The following NBPF9 variants were observed in gnomAD, a reference collection of about 807,000 sequenced individuals.
NBPF9 encodes the protein NBPF family member NBPF9.
In NBPF9, 91 loss-of-function variants were observed where a neutral mutation model predicts 97.8. The observed-to-expected ratio is 0.93, with a 90% CI of 0.79 to 1.11. The LOEUF (loss-of-function observed/expected upper bound fraction) is 1.11, where lower values mean the gene tolerates loss of function less well. NBPF9 is among the 50% of genes least tolerant of loss of function. The pLI is 0.00. For synonymous variants in NBPF9, 334 were observed against 359.5 expected (o/e 0.93, Z 0.80); for missense variants, 992 against 939.5 (o/e 1.06, Z -0.73).
exon 14 of NBPF9, chr1:149,072,776 T>G (rs1384096363): frequency 6.3e-7 from 1 of 1,585,096 alleles, no homozygotes; most frequent in Non-Finnish European, 8.7e-7. Context: ...CCAGCTGTTC[T>G]TGGAGGTCCT....
intron 17 of NBPF9, chr1:149,066,037 C>G: frequency 2.3e-6 from 1 of 443,896 alleles, no homozygotes; most frequent in South Asian, 2.3e-5. Context: ...ATGCAGCATT[C>G]AAGTGAAGAG....
chr1:149,098,973 G>A lies in NBPF9; in HGVS notation c.-605-267C>T, dbSNP rs1698688. On this transcript the variant is annotated intron_variant, in intron 3 of 29. Coordinates refer to ENST00000584027, the Ensembl canonical transcript of NBPF9. ...CACACACTTGTAGTCTCAGCTACTC[G>A]GAAGGTTGAGGCAGGAGGATTCCTT... Among the ~76,000 whole-genome samples the A allele has an allele frequency of 1.2e-3, 164 of 141,454 alleles. 1 individual carries two copies. In the East Asian group the frequency reaches 0.026, roughly 23 times the overall value. 92.8% of individuals were successfully genotyped at this position (141,454 alleles called of 152,430 possible).
intron 5 of NBPF9, among the ~76,000 whole-genome samples, chr1:149,082,952 CTTT>C (rs1175496893): frequency 3.3e-5 from 2 of 60,986 alleles, no homozygotes. Flanking sequence ...GCTAATTTTT[CTTT>C]TCTTTTTTTT....
At chr1:149,087,826 TCC>T (rs1268304291) in intron 5 of NBPF9, among the ~76,000 whole-genome samples, 1 of 139,804 alleles carries the variant, frequency 7.2e-6, no homozygotes, top group Non-Finnish European at 1.5e-5. Flanking sequence ...TTGTTGACTT[TCC>T]TTTTTTTTTT....
chr1:149,087,246 A>ATG (rs1469474705), intron 5 of NBPF9, among the ~76,000 whole-genome samples: 1 of 150,142 alleles, frequency 6.7e-6, no homozygotes, highest in Non-Finnish European at 1.5e-5. Context: ...ATATATATAT[A>ATG]TATGTGTGTG....
At chr1:149,085,266 A>G (rs2080896526) in intron 5 of NBPF9, among the ~76,000 whole-genome samples, 3 of 152,128 alleles carry the variant, frequency 2.0e-5, no homozygotes, top group Non-Finnish European at 4.4e-5. Context: ...AAAAAAATCA[A>G]TAACTGTACA....
intron 4 of NBPF9, among the ~76,000 whole-genome samples, chr1:149,093,209 A>C: frequency 6.6e-6 from 1 of 151,580 alleles, no homozygotes; most frequent in East Asian, 2.0e-4. Flanking sequence ...GCATATACAG[A>C]AACATCTCAA....
chr1:149,073,725 T>C (rs1553653545), intron 13 of NBPF9, 43 bp downstream of exon 13: 20 of 1,474,934 alleles, frequency 1.4e-5, no homozygotes, highest in South Asian at 5.7e-5. Context: ...CTTCAGAGAT[T>C]TACACACCTG....
At chr1:149,056,605 C>A in exon 29 of NBPF9, 1 of 111,992 alleles carries the variant, frequency 8.9e-6, no homozygotes, top group Non-Finnish European at 1.4e-5. Flanking sequence ...CTTCCCCTTC[C>A]CCTTCTTTTC....
chr1:149,072,705 A>T lies in NBPF9; in HGVS notation c.1306+13T>A, dbSNP rs1553653221. ...CTGGGGTTTTGGGTCAACAGGGCCT[A>T]TGGCCACCTTACCTGGGCTGAGCTT... On this transcript the variant is annotated intron_variant, in intron 14 of 29. Coordinates refer to ENST00000584027, the Ensembl canonical transcript of NBPF9. The T allele has an allele frequency of 6.2e-7, 1 of 1,611,686 alleles. No homozygotes were observed. Among genetic ancestry groups the T allele is most frequent in the Non-Finnish European group, 8.5e-7 (1 of 1,179,624 alleles).
At chr1:149,082,229 G>C in intron 6 of NBPF9, 43 bp downstream of exon 6, 3 of 1,335,078 alleles carry the variant, frequency 2.2e-6, no homozygotes, top group Non-Finnish European at 2.1e-6. Context: ...AAATCAAATA[G>C]GTTTAATCAG....
At chr1:149,071,971 C>T (rs1253440122) in intron 14 of NBPF9, among the ~76,000 whole-genome samples, 4 of 149,082 alleles carry the variant, frequency 2.7e-5, no homozygotes, top group African/African-American at 1.0e-4. Flanking sequence ...CTGTCTCCCC[C>T]ATCCTGCCAG....
At position 149,082,354 on chromosome 1, in the gene NBPF9, C is replaced by CA; in HGVS notation, c.-119dup. 2 of 1,522,596 alleles carry CA rather than the reference C, an allele frequency of 1.3e-6. No individual in the cohort carries two copies. Among genetic ancestry groups the CA allele is most frequent in the South Asian group, 1.2e-5 (1 of 82,940 alleles). 94.3% of individuals were successfully genotyped at this position (1,522,596 alleles called of 1,614,324 possible). A position where few individuals can be genotyped will look rare whatever the true frequency, so the allele number is the denominator to read the frequency against. Reference sequence around the variant, plus strand: ...AAACAAGGTTTGAGGTGCCTCAACTCAGAGCTGAAAGCACTGCCAGTAGCT... The same window carrying CA: ...AAACAAGGTTTGAGGTGCCTCAACTCAAGAGCTGAAAGCACTGCCAGTAGCT... On this transcript the variant is annotated 5_prime_UTR_variant, in exon 6 of 30. The change abolishes the stop of an existing upstream ORF in the 5' untranslated region. Coordinates refer to ENST00000584027, the Ensembl canonical transcript of NBPF9.
intron 5 of NBPF9, among the ~76,000 whole-genome samples, chr1:149,086,257 G>A (rs1265192091): frequency 6.6e-6 from 1 of 151,092 alleles, no homozygotes; most frequent in Non-Finnish European, 1.5e-5. Flanking sequence ...CCGACTGAGT[G>A]GTTCAATTAA....
At position 149,067,252 on chromosome 1, in the gene NBPF9, CT is replaced by C. The variant is rs1209763792; in HGVS notation, c.1638-1564del. Among the ~76,000 whole-genome samples, 54 of 119,948 alleles carry C rather than the reference CT, an allele frequency of 4.5e-4. 3 individuals are homozygous for C. Among genetic ancestry groups the C allele is most frequent in the African/African-American group, 9.4e-4 (29 of 30,860 alleles). The allele number at this position is 119,948 out of a possible 152,430, so 78.7% of individuals were successfully genotyped here. Reference sequence around the variant, plus strand: ...GAGAGTGGGAGCAATATTCAACATTCTTTTTTTTTTCCATATGTATAGTTTT... The same window carrying C: ...GAGAGTGGGAGCAATATTCAACATTCTTTTTTTTTCCATATGTATAGTTTT... On this transcript the variant is annotated intron_variant, in intron 17 of 29. Transcript: ENST00000584027.
intron 4 of NBPF9, among the ~76,000 whole-genome samples, chr1:149,092,297 GAGA>G (rs1351178083): frequency 7.5e-6 from 1 of 133,526 alleles, no homozygotes; most frequent in Non-Finnish European, 1.6e-5. Context: ...GTGGGAGCTT[GAGA>G]AGGACTCCAT....
At chr1:149,084,042 T>A (rs1326433464) in intron 5 of NBPF9, among the ~76,000 whole-genome samples, 2 of 150,820 alleles carry the variant, frequency 1.3e-5, no homozygotes, top group East Asian at 3.9e-4. Flanking sequence ...GTCTTTGTTT[T>A]TAAAACATTT....
At chr1:149,065,933 C>A (rs1311386926) in intron 17 of NBPF9, 14 of 605,946 alleles carry the variant, frequency 2.3e-5, no homozygotes, top group Admixed American at 8.8e-5. Flanking sequence ...ACTCAGGGCA[C>A]CCAGACTCTC....
intron 16 of NBPF9, among the ~76,000 whole-genome samples, chr1:149,070,548 T>A (rs1394224520): frequency 2.0e-5 from 3 of 150,318 alleles, no homozygotes; most frequent in Non-Finnish European, 2.9e-5. Flanking sequence ...TGGGGAACGA[T>A]ATTTCCAAAA....
Sources: allele counts gnomAD v4.1 joint callset (sites outside exome capture counted in the v4.1 genomes callset), GRCh38; gene constraint gnomAD v4.1.1; transcripts MANE v1.5; gene names NCBI Gene and HGNC (gene_info 2026-07-23, HGNC 2026-07-21).